ARHGAP42: variants seen among roughly 807,000 people sequenced by gnomAD.
The protein encoded by ARHGAP42 is Rho GTPase activating protein 42.
A neutral mutation model predicts 125.0 loss-of-function variants in ARHGAP42; 63 were observed. The ratio of observed to expected loss-of-function variants is 0.50; its 90% CI spans 0.41 to 0.62. The LOEUF is 0.62. Among genes scored for constraint, ARHGAP42 ranks in the 20% least tolerant of loss-of-function variants. The pLI is 0.00. For synonymous variants in ARHGAP42, 339 were observed against 351.0 expected, an observed-to-expected ratio of 0.97 and a Z score of 0.38; for missense variants, 766 against 1,024.2, an observed-to-expected ratio of 0.75 and a Z score of 3.44.
chr11:100,966,208 G>T (rs904216508), intron 17 of ARHGAP42, among the ~76,000 whole-genome samples: 7 of 151,960 alleles, frequency 4.6e-5, no homozygotes, highest in Non-Finnish European at 1.0e-4. Flanking sequence ...GATTTCACTT[G>T]ATCTCTGGAG....
intron 1 of ARHGAP42, among the ~76,000 whole-genome samples, chr11:100,734,106 T>TC (rs1240892433): frequency 1.4e-5 from 2 of 147,332 alleles, no homozygotes; most frequent in Non-Finnish European, 1.5e-5. Context: ...AGCTAATTTT[T>TC]GTATTTTTAG....
rs187447716 is a variant in ARHGAP42 at position 100,709,701 on chromosome 11, A to G, written c.154+21869A>G. ...TTTATTACTAGCATATTTATGGCTT[A>G]AAGTCCTCAGATTGAAGGTGATACT... On this transcript the variant is annotated intron_variant, in intron 1 of 23. Coordinates refer to ENST00000298815, the MANE Select transcript of ARHGAP42 (RefSeq NM_152432.4). Among the ~76,000 whole-genome samples, 132 of 152,362 alleles carry G rather than the reference A, an allele frequency of 8.7e-4. 1 individual carries two copies. The Middle Eastern group carries it at 0.01, about 12-fold the overall frequency.
intron 3 of ARHGAP42, 56 bp downstream of exon 3, chr11:100,795,222 A>G (rs549762914): frequency 7.5e-7 from 1 of 1,326,254 alleles, no homozygotes; most frequent in Non-Finnish European, 1.0e-6. Flanking sequence ...TATTAAAGAG[A>G]AAGAATGGAC....
intron 16 of ARHGAP42, 116 bp downstream of exon 16, chr11:100,962,583 G>T (rs897363366): frequency 1.0e-6 from 1 of 981,224 alleles, no homozygotes; most frequent in Non-Finnish European, 1.5e-6. Context: ...TGCTTAAAAA[G>T]TTGTTAATCT....
intron 4 of ARHGAP42, among the ~76,000 whole-genome samples, chr11:100,892,224 A>G (rs1244220061): frequency 2.0e-5 from 3 of 152,210 alleles, no homozygotes; most frequent in East Asian, 3.8e-4. Context: ...AATATGGATA[A>G]TGAATAGGGA....
At chr11:100,818,768 G>T (rs1249435380) in intron 3 of ARHGAP42, among the ~76,000 whole-genome samples, 2 of 151,988 alleles carry the variant, frequency 1.3e-5, no homozygotes, top group African/African-American at 4.8e-5. Flanking sequence ...TTGTTTGTTT[G>T]TTTGTTTGTT....
chr11:100,976,382 T>G lies in ARHGAP42; in HGVS notation c.2181T>G (p.Leu727=). Residue 727 remains leucine (L), a synonymous_variant, in exon 20 of 24, where the codon CTT becomes CTG. Coordinates refer to ENST00000298815, the MANE Select transcript of ARHGAP42 (RefSeq NM_152432.4). ...TAGTCAAGAAAGAGCCTTATGGGCTTTCAGGACTGAAAAGAGCTTCTGCTT... is the reference window on the plus strand; with the variant it reads ...TAGTCAAGAAAGAGCCTTATGGGCTGTCAGGACTGAAAAGAGCTTCTGCTT... The part of the protein sequence containing the change: ...IDLVKKEPYG[L]SGLKRASASS... 1 of 1,548,226 alleles carries G rather than the reference T, an allele frequency of 6.5e-7. No homozygotes were observed. The highest frequency in any genetic ancestry group is 8.7e-7 in the Non-Finnish European group (1 of 1,146,058).
chr11:100,726,542 C>T (rs1323210582), intron 1 of ARHGAP42, among the ~76,000 whole-genome samples: 3 of 152,118 alleles, frequency 2.0e-5, no homozygotes, highest in Non-Finnish European at 2.9e-5. Flanking sequence ...ATGACAGTTA[C>T]CATTTTGTTT....
At chr11:100,986,813 A>C (rs1281646911) in intron 22 of ARHGAP42, among the ~76,000 whole-genome samples, 1 of 151,752 alleles carries the variant, frequency 6.6e-6, no homozygotes, top group Admixed American at 6.6e-5. Context: ...TTTGGATCAT[A>C]TCTCATATGT....
intron 4 of ARHGAP42, among the ~76,000 whole-genome samples, chr11:100,867,119 C>G (rs1051446429): frequency 3.3e-5 from 5 of 152,150 alleles, no homozygotes; most frequent in Non-Finnish European, 5.9e-5. Context: ...AGAGCACAGG[C>G]AGAGTAGATT....
intron 6 of ARHGAP42, among the ~76,000 whole-genome samples, chr11:100,925,075 AC>A (rs1207907869): frequency 6.6e-6 from 1 of 151,852 alleles, no homozygotes; most frequent in Non-Finnish European, 1.5e-5. Flanking sequence ...CAGGTGATCC[AC>A]CTGTTTTGGC....
chr11:100,986,310 T>C (rs1377856464), intron 22 of ARHGAP42: 2 of 324,206 alleles, frequency 6.2e-6, no homozygotes, highest in African/African-American at 2.2e-5. Flanking sequence ...CATGTGAAGA[T>C]CAAGAGGAAA....
chr11:100,781,171 C>G (rs1863302319), intron 2 of ARHGAP42, among the ~76,000 whole-genome samples: 1 of 151,830 alleles, frequency 6.6e-6, no homozygotes, highest in Non-Finnish European at 1.5e-5. Flanking sequence ...TAGGTGTTTT[C>G]TTGGTGTGGA....
At chr11:100,844,769 A>G (rs901199955) in intron 3 of ARHGAP42, among the ~76,000 whole-genome samples, 1 of 152,082 alleles carries the variant, frequency 6.6e-6, no homozygotes, top group African/African-American at 2.4e-5. Flanking sequence ...GAATGGCCAT[A>G]ATCAAAAATT....
intron 1 of ARHGAP42, among the ~76,000 whole-genome samples, chr11:100,754,149 G>A (rs1182096580): frequency 6.6e-6 from 1 of 152,120 alleles, no homozygotes; most frequent in Non-Finnish European, 1.5e-5. Flanking sequence ...ATTTAGACTG[G>A]TTAATATGGG....
Position 100,687,814 on chromosome 11 carries a change from C to G in ARHGAP42, c.136C>G (p.Leu46Val), listed in dbSNP as rs1861110985. Residue 46 changes from leucine to valine, a missense_variant, in exon 1 of 24, where the codon CTC (leucine) becomes GTC (valine). This residue lies in a region of ARHGAP42 where 455 missense variants were observed against 636.5 expected (regional missense o/e 0.71). Transcript: ENST00000298815. Reference sequence around the variant, plus strand: ...GGAGCTCATTAAGGACGGCTCTCTGCTCATTGGGGCGTTGAGGAGTAAGTA... The same window carrying G: ...GGAGCTCATTAAGGACGGCTCTCTGGTCATTGGGGCGTTGAGGAGTAAGTA... Reference protein sequence around the residue: ...IKELIKDGSLLIGALRNLSMA... With the variant: ...IKELIKDGSLVIGALRNLSMA... 1.3e-6 allele frequency: 2 copies of G among 1,550,268 alleles called. No homozygotes were observed. Among genetic ancestry groups the G allele is most frequent in the South Asian group, 1.2e-5 (1 of 83,886 alleles).
intron 4 of ARHGAP42, among the ~76,000 whole-genome samples, chr11:100,875,166 T>G (rs1230632339): frequency 6.6e-6 from 1 of 151,110 alleles, no homozygotes; most frequent in Non-Finnish European, 1.5e-5. Flanking sequence ...TCATGAACTA[T>G]GAATGGTTGT....
At chr11:100,862,254 A>G (rs1565247171) in intron 4 of ARHGAP42, among the ~76,000 whole-genome samples, 1 of 152,206 alleles carries the variant, frequency 6.6e-6, no homozygotes, top group East Asian at 1.9e-4. Context: ...CATGTTCCCC[A>G]GATGAAGCCA....
intron 3 of ARHGAP42, among the ~76,000 whole-genome samples, chr11:100,854,634 A>C (rs1865284408): frequency 6.6e-6 from 1 of 152,120 alleles, no homozygotes; most frequent in Admixed American, 6.6e-5. Flanking sequence ...AGTTTTGGCC[A>C]TTGAGATCTA....
Sources: gnomAD v4.1 joint callset for allele counts (sites outside exome capture counted in the v4.1 genomes callset) on GRCh38, gnomAD v4.1.1 for gene constraint, gnomAD v4.1.1 regional missense constraint, MANE v1.5 for transcripts, NCBI Gene and HGNC (gene_info 2026-07-23, HGNC 2026-07-21) for gene names.